ZNF385B: variants seen among roughly 807,000 people sequenced by gnomAD.
ZNF385B encodes the protein zinc finger protein 385B, also known as zinc finger protein 533.
ZNF385B carries 23 observed loss-of-function variants against 39.2 expected under a neutral mutation model. The ratio of observed to expected loss-of-function variants is 0.59; its 90% CI spans 0.42 to 0.83. ZNF385B has a LOEUF of 0.83. Ranked by LOEUF, ZNF385B falls within the 40% of genes least tolerant of loss-of-function variation. The probability of loss-of-function intolerance (pLI) is 0.00; values close to 1 mark genes in which losing one functional copy is unlikely to be tolerated. For synonymous variants in ZNF385B, 205 were observed against 222.6 expected, an observed-to-expected ratio of 0.92 and a Z score of 0.70; for missense variants, 552 against 598.9, an observed-to-expected ratio of 0.92 and a Z score of 0.82.
At chr2:179,632,759 C>T (rs1463783613) in intron 3 of ZNF385B, among the ~76,000 whole-genome samples, 1 of 151,990 alleles carries the variant, frequency 6.6e-6, no homozygotes, top group African/African-American at 2.4e-5. Flanking sequence ...TCAATTAATC[C>T]AGGAGCTGAT....
intron 1 of ZNF385B, among the ~76,000 whole-genome samples, chr2:179,823,564 T>C (rs1559227092): frequency 3.9e-5 from 6 of 152,174 alleles, no homozygotes; most frequent in Admixed American, 2.6e-4. Flanking sequence ...TTTCAGGATT[T>C]TTTTTCCTCC....
At chr2:179,625,216 G>C (rs1455563292) in intron 3 of ZNF385B, among the ~76,000 whole-genome samples, 1 of 152,076 alleles carries the variant, frequency 6.6e-6, no homozygotes, top group Non-Finnish European at 1.5e-5. Flanking sequence ...TTTTCCCTGA[G>C]AGTGTCTCTC....
At chr2:179,475,684 T>C (rs2053338198) in intron 6 of ZNF385B, among the ~76,000 whole-genome samples, 1 of 152,046 alleles carries the variant, frequency 6.6e-6, no homozygotes, top group Admixed American at 6.5e-5. Context: ...GAACAGACTT[T>C]ACACATGTTT....
At chr2:179,858,703 C>A (rs928228268) in intron 1 of ZNF385B, among the ~76,000 whole-genome samples, 104 of 151,904 alleles carry the variant, frequency 6.8e-4, no homozygotes, top group Non-Finnish European at 2.8e-4. Flanking sequence ...ACCAGAGACA[C>A]ATAAAAAGCG....
chr2:179,642,089 A>G (rs138266270), intron 3 of ZNF385B, among the ~76,000 whole-genome samples: 1 of 152,290 alleles, frequency 6.6e-6, no homozygotes, highest in Admixed American at 6.5e-5. Flanking sequence ...GTTTTCAGAG[A>G]TATTGAAAAC....
intron 1 of ZNF385B, among the ~76,000 whole-genome samples, chr2:179,790,452 T>C (rs1249214220): frequency 2.0e-5 from 3 of 152,178 alleles, no homozygotes; most frequent in Non-Finnish European, 4.4e-5. Flanking sequence ...CTGTAGTGTC[T>C]GATTCAGTAA....
At chr2:179,550,550 A>G (rs2060501186) in intron 3 of ZNF385B, among the ~76,000 whole-genome samples, 1 of 149,740 alleles carries the variant, frequency 6.7e-6, no homozygotes, top group Admixed American at 6.6e-5. Context: ...ATGACAGACA[A>G]TTTGCCATGT....
chr2:179,566,914 C>CT (rs372093398), intron 3 of ZNF385B, among the ~76,000 whole-genome samples: 1,766 of 131,570 alleles, frequency 0.013, 27 homozygotes, highest in African/African-American at 0.03. Flanking sequence ...CTTTTCTTTT[C>CT]TTTTTTTTTT....
intron 3 of ZNF385B, among the ~76,000 whole-genome samples, chr2:179,622,467 T>C (rs1048590187): frequency 6.6e-6 from 1 of 152,206 alleles, no homozygotes; most frequent in Non-Finnish European, 1.5e-5. Context: ...CTTCCTGGAA[T>C]AACTCAGAGA....
chr2:179,540,508 C>T (rs1283656670), intron 4 of ZNF385B, among the ~76,000 whole-genome samples: 2 of 151,768 alleles, frequency 1.3e-5, no homozygotes, highest in African/African-American at 4.8e-5. Context: ...AAAAAAACCA[C>T]AGTTTTCAGG....
At chr2:179,459,336 T>C (rs1914498) in intron 6 of ZNF385B, among the ~76,000 whole-genome samples, 57,258 of 152,074 alleles carry the variant, frequency 0.38, 11,062 homozygotes, top group Middle Eastern at 0.52. Flanking sequence ...AGATACAATA[T>C]AGGCATCTGG....
intron 5 of ZNF385B, 141 bp from the exon 6 acceptor site, chr2:179,483,575 A>T (rs2054242021): frequency 2.7e-6 from 3 of 1,102,156 alleles, no homozygotes; most frequent in Non-Finnish European, 3.9e-6. Context: ...TTGGCACTTC[A>T]TGAAATGGTA....
intron 3 of ZNF385B, among the ~76,000 whole-genome samples, chr2:179,659,689 T>C (rs1213862441): frequency 6.6e-6 from 1 of 152,194 alleles, no homozygotes; most frequent in Non-Finnish European, 1.5e-5. Flanking sequence ...CAGTCCTTTT[T>C]AGAATACGTA....
At chr2:179,455,867 G>A (rs1367422215) in intron 6 of ZNF385B, among the ~76,000 whole-genome samples, 19 of 134,162 alleles carry the variant, frequency 1.4e-4, no homozygotes, top group African/African-American at 4.3e-4. Context: ...GAGATAGAGC[G>A]AGACTGCATC....
At chr2:179,774,481 C>T (rs1204870889) in intron 1 of ZNF385B, among the ~76,000 whole-genome samples, 1 of 152,070 alleles carries the variant, frequency 6.6e-6, no homozygotes, top group South Asian at 2.1e-4. Flanking sequence ...CTTCCTCAGC[C>T]TCCTGAGTAA....
chr2:179,525,885 T>C (rs1388562327), intron 4 of ZNF385B, among the ~76,000 whole-genome samples: 1 of 152,194 alleles, frequency 6.6e-6, no homozygotes, highest in African/African-American at 2.4e-5. Context: ...TCTGACCATA[T>C]GCTTTTATGT....
At chr2:179,727,152 T>C (rs1701074736) in intron 3 of ZNF385B, among the ~76,000 whole-genome samples, 1 of 152,074 alleles carries the variant, frequency 6.6e-6, no homozygotes, top group African/African-American at 2.4e-5. Context: ...CCTTTAAAGA[T>C]GAGTTGAATG....
intron 6 of ZNF385B, among the ~76,000 whole-genome samples, chr2:179,454,410 A>G (rs1180145785): frequency 1.3e-5 from 2 of 152,226 alleles, no homozygotes; most frequent in Non-Finnish European, 2.9e-5. Context: ...TGTAAGGTAT[A>G]TAATACTTGA....
chr2:179,666,450 G>T (rs530707537), intron 3 of ZNF385B, among the ~76,000 whole-genome samples: 2 of 152,220 alleles, frequency 1.3e-5, no homozygotes, highest in East Asian at 3.9e-4. Flanking sequence ...CTAATGAAAA[G>T]ATAAAGGATT....
Sources: gnomAD v4.1 joint callset for allele counts (sites outside exome capture counted in the v4.1 genomes callset) on GRCh38, gnomAD v4.1.1 for gene constraint, MANE v1.5 for transcripts, NCBI Gene and HGNC (gene_info 2026-07-23, HGNC 2026-07-21) for gene names.